Variants in C13orf42 observed in about 807,000 individuals in gnomAD.
The protein encoded by C13orf42 is chromosome 13 open reading frame 42.
intron 1 of C13orf42, among the ~76,000 whole-genome samples, chr13:51,104,705 G>A (rs774854929): frequency 2.7e-5 from 4 of 150,630 alleles, no homozygotes; most frequent in Admixed American, 6.6e-5. Flanking sequence ...ATACTGAATC[G>A]ACTAAAAACC....
At chr13:51,089,051 A>C (rs1032012704) in intron 1 of C13orf42, among the ~76,000 whole-genome samples, 15 of 152,204 alleles carry the variant, frequency 9.9e-5, no homozygotes, top group African/African-American at 3.6e-4. Context: ...GAGAGGAAAA[A>C]AGGGACAGAT....
At chr13:51,124,199 C>T (rs540195614) in intron 1 of C13orf42, among the ~76,000 whole-genome samples, 1 of 152,312 alleles carries the variant, frequency 6.6e-6, no homozygotes, top group East Asian at 1.9e-4. Context: ...CGACTCCCTA[C>T]AATTTCATCC....
At chr13:51,092,472 A>G (rs9591387) in intron 1 of C13orf42, among the ~76,000 whole-genome samples, 5,501 of 152,212 alleles carry the variant, frequency 0.036, 146 homozygotes, top group African/African-American at 0.082. Flanking sequence ...CCTGAGAAAA[A>G]AACTTGAGTG....
At chr13:51,161,054 T>C (rs556631598) in intron 1 of C13orf42, among the ~76,000 whole-genome samples, 1 of 135,130 alleles carries the variant, frequency 7.4e-6, no homozygotes, top group Non-Finnish European at 1.6e-5. Context: ...ATAAGAGAGT[T>C]CCACACTGCT....
chr13:51,162,136 A>G lies in C13orf42; in HGVS notation n.136+10117T>C, dbSNP rs1953869871. The G allele has an allele frequency of 1.1e-5, 3 of 284,530 alleles. No individual in the cohort carries two copies. In the South Asian group the frequency reaches 1.3e-4, roughly 13 times the overall value. The allele number at this position is 284,530 out of a possible 1,614,324, so 17.6% of individuals were successfully genotyped here. On this transcript the variant is annotated intron_variant and non_coding_transcript_variant, in intron 1 of 4. Transcript: ENST00000433280. The stretch of plus-strand genomic sequence containing the variant: ...CACAGACTATCATGTCCCATTCTAT[A>G]TGGGCATAAGCCATCTCACAAATGG...
intron 1 of C13orf42, among the ~76,000 whole-genome samples, chr13:51,094,167 T>C (rs1271320179): frequency 6.6e-6 from 1 of 152,178 alleles, no homozygotes; most frequent in Non-Finnish European, 1.5e-5. Flanking sequence ...CCAATATTCA[T>C]CTTGTACATT....
chr13:51,144,825 T>A (rs1253085211), intron 1 of C13orf42, among the ~76,000 whole-genome samples: 2 of 152,226 alleles, frequency 1.3e-5, no homozygotes, highest in African/African-American at 4.8e-5. Flanking sequence ...AAAAGTCTTA[T>A]CTGAGATTCC....
At chr13:51,168,472 T>C (rs1953918644) in intron 1 of C13orf42, among the ~76,000 whole-genome samples, 1 of 152,226 alleles carries the variant, frequency 6.6e-6, no homozygotes, top group African/African-American at 2.4e-5. Context: ...GGGAAGTAGT[T>C]GGAAGTGGTG....
At chr13:51,088,494 T>A (rs1315780357) in intron 1 of C13orf42, among the ~76,000 whole-genome samples, 1 of 152,076 alleles carries the variant, frequency 6.6e-6, no homozygotes, top group Non-Finnish European at 1.5e-5. Flanking sequence ...GCTCTAACAG[T>A]TGTCAGTTTC....
chr13:51,108,385 G>C (rs1593536526), intron 1 of C13orf42, among the ~76,000 whole-genome samples: 2 of 152,134 alleles, frequency 1.3e-5, no homozygotes, highest in East Asian at 3.9e-4. Context: ...CCAAAGCATG[G>C]GGTAACGGCA....
chr13:51,163,145 C>A (rs144142710), intron 1 of C13orf42, among the ~76,000 whole-genome samples: 4 of 152,204 alleles, frequency 2.6e-5, no homozygotes, highest in African/African-American at 9.7e-5. Context: ...TTCACCCCTG[C>A]TCAGGGGCCA....
chr13:51,094,086 T>C (rs368947631), intron 1 of C13orf42, among the ~76,000 whole-genome samples: 1 of 152,216 alleles, frequency 6.6e-6, no homozygotes. Context: ...TCTTTCATGG[T>C]GGATCCGGAG....
chr13:51,123,700 A>G (rs1379100177), intron 1 of C13orf42, among the ~76,000 whole-genome samples: 1 of 152,206 alleles, frequency 6.6e-6, no homozygotes, highest in Non-Finnish European at 1.5e-5. Flanking sequence ...ACACACCTCA[A>G]GTACTTACTA....
chr13:51,100,764 A>C (rs1299964846), intron 1 of C13orf42, among the ~76,000 whole-genome samples: 1 of 152,182 alleles, frequency 6.6e-6, no homozygotes, highest in Non-Finnish European at 1.5e-5. Context: ...TAATACGTAA[A>C]AGAATCCCTA....
At chr13:51,146,212 C>A (rs1476104698) in intron 1 of C13orf42, among the ~76,000 whole-genome samples, 2 of 151,762 alleles carry the variant, frequency 1.3e-5, no homozygotes, top group Non-Finnish European at 2.9e-5. Flanking sequence ...TTTTGGAACA[C>A]CCCCAAGCTT....
chr13:51,159,373 T>C (rs184321553), intron 1 of C13orf42, among the ~76,000 whole-genome samples: 37 of 152,132 alleles, frequency 2.4e-4, no homozygotes, highest in Non-Finnish European at 8.8e-5. Flanking sequence ...GTGTGGGGGA[T>C]AGAATGACAA....
intron 1 of C13orf42, among the ~76,000 whole-genome samples, chr13:51,122,512 C>T (rs1425947951): frequency 1.3e-4 from 18 of 137,728 alleles, no homozygotes; most frequent in Non-Finnish European, 4.6e-5. Flanking sequence ...CCAGCCTGGG[C>T]GACAGAGCAA....
chr13:51,116,953 G>A lies in C13orf42; in HGVS notation n.137-3731C>T, dbSNP rs574016961. Among the ~76,000 whole-genome samples the A allele has an allele frequency of 1.8e-4, 28 of 152,342 alleles. No homozygotes were observed. In the East Asian group the frequency reaches 4.8e-3, roughly 26 times the overall value. ...AAGGTGGACACGGCCAAGCCTTCAGGCTGAAACTAGGAACTAGCACCCTGG... is the reference window on the plus strand; with the variant it reads ...AAGGTGGACACGGCCAAGCCTTCAGACTGAAACTAGGAACTAGCACCCTGG... On this transcript the variant is annotated intron_variant and non_coding_transcript_variant, in intron 1 of 4. Coordinates refer to the C13orf42 transcript ENST00000433280.
chr13:51,147,124 T>C (rs1953741682), intron 1 of C13orf42, among the ~76,000 whole-genome samples: 1 of 152,216 alleles, frequency 6.6e-6, no homozygotes, highest in South Asian at 2.1e-4. Context: ...TGACCATGTG[T>C]CCCCCTCCCA....
Sources: gnomAD v4.1 joint callset for allele counts (sites outside exome capture counted in the v4.1 genomes callset) on GRCh38, gnomAD v4.1.1 for gene constraint, MANE v1.5 for transcripts, NCBI Gene and HGNC (gene_info 2026-07-23, HGNC 2026-07-21) for gene names.